NEDD4L: variants seen among roughly 807,000 people sequenced by gnomAD.
NEDD4L encodes the protein E3 ubiquitin-protein ligase NEDD4-like.
A neutral mutation model predicts 148.9 loss-of-function variants in NEDD4L; 54 were observed. The observed-to-expected ratio is 0.36, with a 90% CI of 0.29 to 0.45. The LOEUF is 0.45. Ranked by LOEUF, NEDD4L falls within the 20% of genes least tolerant of loss-of-function variation. NEDD4L has a pLI of 1.00. For missense variants in NEDD4L, 856 were observed against 1,233.8 expected (o/e 0.69, Z 4.59); for synonymous variants, 433 against 440.7 (o/e 0.98, Z 0.22).
At chr18:58,110,167 A>G (rs1269153165) in intron 1 of NEDD4L, among the ~76,000 whole-genome samples, 1 of 152,174 alleles carries the variant, frequency 6.6e-6, no homozygotes, top group Non-Finnish European at 1.5e-5. Context: ...TTGGGTGTCC[A>G]AGTGGATAAA....
chr18:58,229,137 A>G (rs1260326828), intron 2 of NEDD4L, among the ~76,000 whole-genome samples: 2 of 151,968 alleles, frequency 1.3e-5, no homozygotes, highest in East Asian at 3.9e-4. Context: ...TATAGGACCT[A>G]TTTACCTTTT....
chr18:58,178,875 G>A (rs767010545), intron 2 of NEDD4L, among the ~76,000 whole-genome samples: 8 of 152,174 alleles, frequency 5.3e-5, no homozygotes, highest in South Asian at 2.1e-4. Context: ...AAAACTAGGC[G>A]TTCATGGTAG....
intron 1 of NEDD4L, among the ~76,000 whole-genome samples, chr18:58,116,005 C>T (rs982024002): frequency 3.3e-5 from 5 of 152,266 alleles, no homozygotes; most frequent in Middle Eastern, 3.4e-3. Context: ...TTTTGGATAG[C>T]TTGACCAAAC....
At chr18:58,227,908 G>A (rs766926892) in intron 2 of NEDD4L, 2 of 957,806 alleles carry the variant, frequency 2.1e-6, no homozygotes, top group Non-Finnish European at 2.5e-6. Flanking sequence ...ATAATAGCAA[G>A]TAAGGCTATT....
intron 17 of NEDD4L, among the ~76,000 whole-genome samples, chr18:58,350,100 A>G (rs2043681064): frequency 6.6e-6 from 1 of 152,166 alleles, no homozygotes; most frequent in South Asian, 2.1e-4. Flanking sequence ...GAGTTGAGCT[A>G]TATACTTAAA....
chr18:58,129,746 C>T (rs771332033), intron 1 of NEDD4L, among the ~76,000 whole-genome samples: 9 of 152,120 alleles, frequency 5.9e-5, no homozygotes, highest in East Asian at 1.9e-4. Context: ...AGAACTGTGG[C>T]GGTGTTGGGC....
chr18:58,390,822 G>T (rs143322755), intron 29 of NEDD4L, 80 bp downstream of exon 29: 14 of 980,552 alleles, frequency 1.4e-5, no homozygotes, highest in Admixed American at 4.0e-5. Flanking sequence ...GAACCCTGCC[G>T]CCAGGCCTCT....
intron 2 of NEDD4L, among the ~76,000 whole-genome samples, chr18:58,169,622 C>T (rs981026556): frequency 6.6e-6 from 1 of 152,180 alleles, no homozygotes; most frequent in Non-Finnish European, 1.5e-5. Flanking sequence ...TAAAATGCCA[C>T]TAAGACATCA....
At chr18:58,285,485 T>C (rs781580192) in intron 5 of NEDD4L, among the ~76,000 whole-genome samples, 14 of 152,192 alleles carry the variant, frequency 9.2e-5, no homozygotes. Context: ...TGTGCTACCA[T>C]ACAGAATTCA....
intron 2 of NEDD4L, among the ~76,000 whole-genome samples, chr18:58,191,290 G>T (rs1731795568): frequency 1.3e-5 from 2 of 152,128 alleles, no homozygotes; most frequent in African/African-American, 2.4e-5. Context: ...GGTGTGTCTG[G>T]TTCCTATAGG....
chr18:58,358,056 G>A (rs1334483667), intron 19 of NEDD4L, among the ~76,000 whole-genome samples: 2 of 152,192 alleles, frequency 1.3e-5, no homozygotes, highest in Non-Finnish European at 2.9e-5. Context: ...GACCAGAGGA[G>A]CAAAAGGAAC....
At chr18:58,081,458 A>T (rs930507488) in intron 1 of NEDD4L, among the ~76,000 whole-genome samples, 1 of 151,288 alleles carries the variant, frequency 6.6e-6, no homozygotes, top group Non-Finnish European at 1.5e-5. Flanking sequence ...CTCCTGATCC[A>T]CCCGCCTTGG....
At chr18:58,255,314 T>TA in intron 5 of NEDD4L, 1 of 184,980 alleles carries the variant, frequency 5.4e-6, no homozygotes. Flanking sequence ...CTCTTGCTGT[T>TA]TAAAAAAAAA....
At chr18:58,220,360 C>T (rs961712883) in intron 2 of NEDD4L, among the ~76,000 whole-genome samples, 7 of 151,912 alleles carry the variant, frequency 4.6e-5, no homozygotes, top group African/African-American at 1.7e-4. Flanking sequence ...GAGATCGTGC[C>T]ACTGCACTCC....
chr18:58,372,586 C>A, intron 23 of NEDD4L: 1 of 152,260 alleles, frequency 6.6e-6, no homozygotes, highest in Non-Finnish European at 1.5e-5. Flanking sequence ...GGAATTACAG[C>A]GATGATATTT....
intron 6 of NEDD4L, among the ~76,000 whole-genome samples, chr18:58,319,206 C>T (rs576787313): frequency 6.6e-6 from 1 of 152,136 alleles, no homozygotes; most frequent in Non-Finnish European, 1.5e-5. Context: ...AGCCTGGGCC[C>T]AGAGAGGGAG....
chr18:58,366,774 G>A lies in NEDD4L; in HGVS notation c.2063+546G>A, dbSNP rs1300878400. ...TTAAACATCAGCTACTTCCAGGCCA[G>A]CCATTCCTCCTTCAGACTCTGAATC... is the stretch of plus-strand genomic sequence containing the variant. On this transcript the variant is annotated intron_variant, in intron 21 of 30. Coordinates refer to ENST00000400345, the MANE Select transcript of NEDD4L (RefSeq NM_001144967.3). This position sits in a 1 kb window ranked among gnomAD's most constrained non-coding sequence, Gnocchi z 4.2. Among the ~76,000 whole-genome samples the A allele has an allele frequency of 6.6e-6, 1 of 152,226 alleles. No individual in the cohort carries two copies. Among genetic ancestry groups the A allele is most frequent in the Non-Finnish European group, 1.5e-5 (1 of 68,038 alleles).
At chr18:58,276,212 T>TTTTGG (rs1555782967) in intron 5 of NEDD4L, among the ~76,000 whole-genome samples, 1 of 103,488 alleles carries the variant, frequency 9.7e-6, no homozygotes, top group Non-Finnish European at 2.1e-5. Context: ...TTTTTTTTTT[T>TTTTGG]GGGTGGGGAG....
At position 58,164,124 on chromosome 18, in the gene NEDD4L, C is replaced by G. The variant is rs111737615; in HGVS notation, c.49-1664C>G. Among the ~76,000 whole-genome samples the G allele has an allele frequency of 1.0e-3, 159 of 151,630 alleles. 1 individual carries two copies. The highest frequency in any genetic ancestry group is 3.6e-3 in the African/African-American group (148 of 41,272). On this transcript the variant is annotated intron_variant, in intron 1 of 30. Transcript: ENST00000400345. ...CCAGCCACTGGATTCTCCCTCAGTCCCCTGTGCTGTGGCCCTTGGTGACCC... is the reference window on the plus strand; with the variant it reads ...CCAGCCACTGGATTCTCCCTCAGTCGCCTGTGCTGTGGCCCTTGGTGACCC...
Sources: allele counts gnomAD v4.1 joint callset (sites outside exome capture counted in the v4.1 genomes callset), GRCh38; gene constraint gnomAD v4.1.1; non-coding constraint Gnocchi (gnomAD v3.1); transcripts MANE v1.5; gene names NCBI Gene and HGNC (gene_info 2026-07-23, HGNC 2026-07-21).